OXR1: variants seen among roughly 807,000 people sequenced by gnomAD.
The protein encoded by OXR1 is oxidation resistance protein 1.
OXR1 carries 41 observed loss-of-function variants against 104.6 expected under a neutral mutation model. That is an observed-to-expected ratio of 0.39 (90% confidence interval 0.31 to 0.51). The LOEUF is 0.51. Among genes scored for constraint, OXR1 ranks in the 20% least tolerant of loss-of-function variants. OXR1 has a pLI of 0.77. For missense variants in OXR1, 955 were observed against 1,031.9 expected, an observed-to-expected ratio of 0.93 and a Z score of 1.02; for synonymous variants, 348 against 348.4, an observed-to-expected ratio of 1.00 and a Z score of 0.01.
chr8:106,622,296 TC>T (rs1366277791), intron 3 of OXR1, among the ~76,000 whole-genome samples: 1 of 152,034 alleles, frequency 6.6e-6, no homozygotes, highest in Non-Finnish European at 1.5e-5. Context: ...CCAACCGGCC[TC>T]CTGTCTCTGC....
chr8:106,535,854 C>G (rs1814474324), intron 3 of OXR1, among the ~76,000 whole-genome samples: 2 of 152,138 alleles, frequency 1.3e-5, no homozygotes, highest in Non-Finnish European at 2.9e-5. Context: ...GTCATTCATT[C>G]CATACCTCCT....
intron 3 of OXR1, among the ~76,000 whole-genome samples, chr8:106,616,209 T>G (rs112831400): frequency 6.8e-6 from 1 of 147,278 alleles, no homozygotes; most frequent in Non-Finnish European, 1.5e-5. Context: ...GCCTGGCTAA[T>G]TTTTTGGAAT....
intron 2 of OXR1, among the ~76,000 whole-genome samples, chr8:106,462,459 A>T (rs766397096): frequency 6.6e-6 from 1 of 152,122 alleles, no homozygotes; most frequent in Non-Finnish European, 1.5e-5. Context: ...CTTTGGGAAA[A>T]CACTTTGCTT....
At chr8:106,281,018 C>T (rs1390403454) in intron 1 of OXR1, among the ~76,000 whole-genome samples, 1 of 152,136 alleles carries the variant, frequency 6.6e-6, no homozygotes, top group Non-Finnish European at 1.5e-5. Flanking sequence ...CCCTTAGGAA[C>T]AGGCACAAAA....
At chr8:106,573,992 A>G (rs181246602) in intron 3 of OXR1, among the ~76,000 whole-genome samples, 100 of 152,258 alleles carry the variant, frequency 6.6e-4, no homozygotes, top group Middle Eastern at 3.4e-3. Context: ...GTAGCATGGC[A>G]CTCTGCACTC....
At chr8:106,274,419 AC>A (rs1312530570) in intron 1 of OXR1, among the ~76,000 whole-genome samples, 1 of 151,700 alleles carries the variant, frequency 6.6e-6, no homozygotes, top group Non-Finnish European at 1.5e-5. Flanking sequence ...TCACCATTCC[AC>A]CCATTTTTGT....
At chr8:106,293,032 G>C (rs1033926416) in intron 1 of OXR1, among the ~76,000 whole-genome samples, 13 of 152,154 alleles carry the variant, frequency 8.5e-5, no homozygotes, top group Admixed American at 2.6e-4. Flanking sequence ...CAGTAGATGT[G>C]GTAAAGGTAG....
At chr8:106,542,685 T>C (rs1436599592) in intron 3 of OXR1, among the ~76,000 whole-genome samples, 2 of 152,108 alleles carry the variant, frequency 1.3e-5, no homozygotes, top group Non-Finnish European at 2.9e-5. Flanking sequence ...AGATTCAGTT[T>C]AAATGTTTCA....
chr8:106,585,703 G>T (rs1382462407), intron 3 of OXR1, among the ~76,000 whole-genome samples: 1 of 152,132 alleles, frequency 6.6e-6, no homozygotes, highest in Non-Finnish European at 1.5e-5. Flanking sequence ...AAGAGGGGAT[G>T]TGTCACAATC....
At chr8:106,683,879 A>G (rs1828431612) in intron 5 of OXR1, among the ~76,000 whole-genome samples, 1 of 152,192 alleles carries the variant, frequency 6.6e-6, no homozygotes, top group Non-Finnish European at 1.5e-5. Flanking sequence ...ACATGCCTGT[A>G]CACATCTGTT....
intron 3 of OXR1, among the ~76,000 whole-genome samples, chr8:106,582,401 G>C (rs1230536909): frequency 6.6e-6 from 1 of 151,832 alleles, no homozygotes; most frequent in East Asian, 1.9e-4. Context: ...CAAACCTGGG[G>C]ACAACAAGGT....
intron 1 of OXR1, among the ~76,000 whole-genome samples, chr8:106,284,858 C>T (rs1812429580): frequency 6.6e-6 from 1 of 152,018 alleles, no homozygotes; most frequent in South Asian, 2.1e-4. Flanking sequence ...TTGCTATTGC[C>T]ATAGCTTACT....
chr8:106,293,361 C>T (rs1177603179), intron 1 of OXR1, among the ~76,000 whole-genome samples: 1 of 152,164 alleles, frequency 6.6e-6, no homozygotes. Flanking sequence ...GCAGATCTTA[C>T]ATTGCAGCAT....
intron 3 of OXR1, among the ~76,000 whole-genome samples, chr8:106,626,795 T>C (rs1016165475): frequency 1.3e-5 from 2 of 151,238 alleles, no homozygotes; most frequent in Non-Finnish European, 3.0e-5. Context: ...TATTATTCAC[T>C]AGCGTTGTGA....
chr8:106,692,427 A>T (rs1212583067), intron 6 of OXR1, among the ~76,000 whole-genome samples: 2 of 152,034 alleles, frequency 1.3e-5, no homozygotes, highest in African/African-American at 4.8e-5. Context: ...GGTACAAGAG[A>T]TGTAGTGTTC....
chr8:106,464,570 T>C (rs1821077806), intron 2 of OXR1, among the ~76,000 whole-genome samples: 1 of 152,002 alleles, frequency 6.6e-6, no homozygotes, highest in African/African-American at 2.4e-5. Flanking sequence ...ACGTGACAAA[T>C]GTCAGCCTAT....
At chr8:106,408,873 C>T (rs1185407243) in intron 2 of OXR1, among the ~76,000 whole-genome samples, 2 of 152,182 alleles carry the variant, frequency 1.3e-5, no homozygotes, top group Admixed American at 6.5e-5. Flanking sequence ...AGGCACAGTG[C>T]CAAAAACTGG....
At chr8:106,598,699 G>A (rs1819711847) in intron 3 of OXR1, among the ~76,000 whole-genome samples, 1 of 152,188 alleles carries the variant, frequency 6.6e-6, no homozygotes, top group East Asian at 1.9e-4. Flanking sequence ...GAAGTCATGA[G>A]CTGAACAATT....
Position 106,737,592 on chromosome 8 carries a change from C to T in OXR1, c.2029C>T (p.Arg677Cys), listed in dbSNP as rs767097540. ...TGAAGAACTGCGCACACTCTGCAGA[C>T]GCCTCCAGGTGCCCCCTTCAGTAGT... Reference protein sequence around the residue: ...NTEELRTLCRRLQITTREDIN... With the variant: ...NTEELRTLCRCLQITTREDIN... Residue 677 changes from arginine (R) to cysteine (C), a missense_variant, in exon 12 of 17, where the codon CGC becomes TGC. Transcript: ENST00000517566. 22 of 1,392,170 alleles carry T rather than the reference C, an allele frequency of 1.6e-5. No individual in the cohort carries two copies. The highest frequency in any genetic ancestry group is 7.3e-5 in the Admixed American group (3 of 40,852). The allele number at this position is 1,392,170 out of a possible 1,614,324, so 86.2% of individuals were successfully genotyped here.
Sources: allele counts gnomAD v4.1 joint callset (sites outside exome capture counted in the v4.1 genomes callset), GRCh38; gene constraint gnomAD v4.1.1; transcripts MANE v1.5; gene names NCBI Gene and HGNC (gene_info 2026-07-23, HGNC 2026-07-21).